Variants in DCC observed in about 807,000 individuals in gnomAD.
DCC encodes the protein DCC netrin 1 receptor.
Under a neutral mutation model 172.5 loss-of-function variants are expected in DCC, and 58 were observed. The observed-to-expected ratio is 0.34, with a 90% CI of 0.27 to 0.42. The LOEUF (loss-of-function observed/expected upper bound fraction) is 0.42. Ranked by LOEUF, DCC falls within the 10% of genes least tolerant of loss-of-function variation. The pLI is 1.00. For synonymous variants in DCC, 709 were observed against 644.5 expected (o/e 1.10, Z -1.52); for missense variants, 1,740 against 1,791.0 (o/e 0.97, Z 0.51).
At chr18:52,950,131 A>G (rs2040612778) in intron 5 of DCC, among the ~76,000 whole-genome samples, 2 of 152,212 alleles carry the variant, frequency 1.3e-5, no homozygotes, top group Non-Finnish European at 2.9e-5. Context: ...CTGATAATCT[A>G]CGTGCTCTTT....
intron 12 of DCC, among the ~76,000 whole-genome samples, chr18:53,254,479 C>G (rs938490603): frequency 6.6e-6 from 1 of 152,012 alleles, no homozygotes; most frequent in East Asian, 1.9e-4. Context: ...AATGCAAATT[C>G]AGGGCCCACT....
chr18:52,539,057 G>A (rs1312798757), intron 1 of DCC, among the ~76,000 whole-genome samples: 1 of 152,160 alleles, frequency 6.6e-6, no homozygotes, highest in Non-Finnish European at 1.5e-5. Flanking sequence ...GTGATTACAT[G>A]TTAATCAGCA....
intron 2 of DCC, among the ~76,000 whole-genome samples, chr18:52,904,249 C>G (rs1252697027): frequency 2.6e-5 from 4 of 152,186 alleles, no homozygotes; most frequent in Non-Finnish European, 2.9e-5. Flanking sequence ...TATTGCATCT[C>G]TAGGATTGCA....
At chr18:52,959,172 A>G (rs150468708) in intron 5 of DCC, among the ~76,000 whole-genome samples, 2,068 of 152,186 alleles carry the variant, frequency 0.014, 62 homozygotes, top group African/African-American at 0.048. Flanking sequence ...AATTGTAAAT[A>G]GGTCAAGAAT....
At chr18:52,456,529 A>G (rs1047988423) in intron 1 of DCC, among the ~76,000 whole-genome samples, 6 of 152,214 alleles carry the variant, frequency 3.9e-5, no homozygotes, top group African/African-American at 1.4e-4. Flanking sequence ...ACATGGTTAT[A>G]CAATATAGTT....
chr18:52,598,405 T>C (rs2033950191), intron 1 of DCC, among the ~76,000 whole-genome samples: 1 of 152,136 alleles, frequency 6.6e-6, no homozygotes, highest in Non-Finnish European at 1.5e-5. Context: ...GGTGGGTAAG[T>C]ATGTTGAGGG....
intron 1 of DCC, among the ~76,000 whole-genome samples, chr18:52,734,726 T>C (rs186890291): frequency 1.8e-4 from 27 of 152,274 alleles, no homozygotes; most frequent in Non-Finnish European, 3.5e-4. Flanking sequence ...TTAAGTATGT[T>C]AAAGATGGAA....
At chr18:52,525,564 G>T (rs769377666) in intron 1 of DCC, among the ~76,000 whole-genome samples, 3 of 152,186 alleles carry the variant, frequency 2.0e-5, no homozygotes, top group Non-Finnish European at 2.9e-5. Context: ...AAATCTGACC[G>T]CATAAAGCCT....
At chr18:52,437,985 C>CT (rs1987851267) in intron 1 of DCC, among the ~76,000 whole-genome samples, 1 of 152,302 alleles carries the variant, frequency 6.6e-6, no homozygotes, top group East Asian at 1.9e-4. Flanking sequence ...CTATTCACTC[C>CT]TTTTCACAAA....
intron 2 of DCC, among the ~76,000 whole-genome samples, chr18:52,838,701 GA>G (rs2038755170): frequency 6.6e-6 from 1 of 152,160 alleles, no homozygotes; most frequent in Admixed American, 6.5e-5. Flanking sequence ...AGAACTTGGA[GA>G]AATGGTTGCA....
At chr18:53,354,472 G>C (rs1328976511) in intron 15 of DCC, among the ~76,000 whole-genome samples, 1 of 152,070 alleles carries the variant, frequency 6.6e-6, no homozygotes, top group African/African-American at 2.4e-5. Flanking sequence ...GTGTGAGATG[G>C]TATCTCATTG....
intron 15 of DCC, among the ~76,000 whole-genome samples, chr18:53,365,707 A>AAATGAGCCTTCTTATTAGAATTATT (rs1332913594): frequency 2.3e-4 from 35 of 152,214 alleles, no homozygotes; most frequent in African/African-American, 8.0e-4. Context: ...AGCACACTAG[A>AAATGAGCCTTCTTATTAGAATTATT]AATGAGCCTT....
At position 53,098,347 on chromosome 18, in the gene DCC, G is replaced by T. The variant is rs112695516; in HGVS notation, c.1261+32181G>T. On this transcript the variant is annotated intron_variant, in intron 7 of 28. Transcript: ENST00000442544. The stretch of plus-strand genomic sequence containing the variant: ...TGCCGATTATCCCAATAATATCCTT[G>T]AAAGTAAAGGGTAAGATCCAGGATC... Among the ~76,000 whole-genome samples the T allele has an allele frequency of 9.4e-3, 1,432 of 152,146 alleles. 30 individuals carry two copies. The highest frequency in any genetic ancestry group is 0.032 in the African/African-American group (1,332 of 41,526).
At chr18:53,482,648 A>G (rs2045847122) in intron 25 of DCC, among the ~76,000 whole-genome samples, 1 of 152,068 alleles carries the variant, frequency 6.6e-6, no homozygotes, top group Admixed American at 6.6e-5. Context: ...TCATTTTGAT[A>G]ATAAAATATA....
chr18:52,381,611 T>C (rs1985586869), intron 1 of DCC, among the ~76,000 whole-genome samples: 2 of 152,124 alleles, frequency 1.3e-5, no homozygotes, highest in Admixed American at 6.6e-5. Flanking sequence ...CTGACTTCAC[T>C]TCCTGTGTCC....
chr18:53,351,397 C>CAA (rs2057803101), intron 15 of DCC, among the ~76,000 whole-genome samples: 2 of 17,750 alleles, frequency 1.1e-4, no homozygotes, highest in East Asian at 1.6e-3. Context: ...TATATATATA[C>CAA]AGTGTATATA....
At chr18:52,757,472 C>A (rs1169664681) in intron 2 of DCC, among the ~76,000 whole-genome samples, 1 of 152,000 alleles carries the variant, frequency 6.6e-6, no homozygotes, top group African/African-American at 2.4e-5. Flanking sequence ...CAACCATGAC[C>A]CCCTGTCCAC....
intron 2 of DCC, among the ~76,000 whole-genome samples, chr18:52,780,253 A>T (rs551810933): frequency 6.6e-6 from 1 of 152,254 alleles, no homozygotes; most frequent in Non-Finnish European, 1.5e-5. Context: ...CAACCCAGGA[A>T]TCTAGCTCAA....
At chr18:53,313,943 T>C (rs140041323) in intron 13 of DCC, among the ~76,000 whole-genome samples, 20 of 152,330 alleles carry the variant, frequency 1.3e-4, no homozygotes, top group African/African-American at 3.6e-4. Context: ...AATCGCAGGG[T>C]ATTTGAAAAA....
Sources: gnomAD v4.1 joint callset for allele counts (sites outside exome capture counted in the v4.1 genomes callset) on GRCh38, gnomAD v4.1.1 for gene constraint, MANE v1.5 for transcripts, NCBI Gene and HGNC (gene_info 2026-07-23, HGNC 2026-07-21) for gene names.